The following GPATCH1 variants were observed in gnomAD, a reference collection of about 807,000 sequenced individuals.
The protein encoded by GPATCH1 is G-patch domain containing 1, also known as G patch domain-containing protein 1.
Under a neutral mutation model 114.9 loss-of-function variants are expected in GPATCH1, and 73 were observed. The observed-to-expected ratio is 0.64, with a 90% CI of 0.53 to 0.77. GPATCH1 has a LOEUF of 0.77. Among genes scored for constraint, GPATCH1 ranks in the 30% least tolerant of loss-of-function variants. The probability of loss-of-function intolerance (pLI) is 0.00; values close to 1 mark genes in which losing one functional copy is unlikely to be tolerated. For missense variants in GPATCH1, 1,058 were observed against 1,144.3 expected (o/e 0.92, Z 1.09); for synonymous variants, 391 against 428.4 (o/e 0.91, Z 1.08).
chr19:33,087,722 C>T (rs577666503), intron 1 of GPATCH1, among the ~76,000 whole-genome samples: 1 of 148,572 alleles, frequency 6.7e-6, no homozygotes, highest in East Asian at 2.0e-4. Context: ...CTCGCTGTGT[C>T]TCCCATGCTG....
intron 3 of GPATCH1, among the ~76,000 whole-genome samples, chr19:33,092,747 C>T (rs778070920): frequency 4.7e-4 from 72 of 152,236 alleles, no homozygotes; most frequent in Non-Finnish European, 7.9e-4. Flanking sequence ...GTCTCTTTCA[C>T]GCTGACCTTT....
intron 9 of GPATCH1, among the ~76,000 whole-genome samples, chr19:33,103,244 G>A (rs1972746873): frequency 6.6e-6 from 1 of 152,174 alleles, no homozygotes; most frequent in Non-Finnish European, 1.5e-5. Flanking sequence ...CTGGGACACG[G>A]GAGGCCAGGG....
chr19:33,106,854 A>G lies in GPATCH1; in HGVS notation c.1240A>G (p.Asn414Asp), dbSNP rs1350857385. 1.2e-6 allele frequency: 2 copies of G among 1,613,904 alleles called. No homozygotes were observed. The highest frequency in any genetic ancestry group is 1.7e-5 in the Admixed American group (1 of 59,972). Residue 414 changes from asparagine to aspartate, a missense_variant, in exon 10 of 20, where the codon AAT (asparagine) becomes GAT (aspartate). Transcript: ENST00000170564. ...AGGGACACACAGTAAGCACCAACTG[A>G]ATGCCTCCAAACGGGCTGAGTTGCT... The part of the protein sequence containing the change: ...DPGTHSKHQL[N>D]ASKRAELLGE...
At position 33,090,796 on chromosome 19, in the gene GPATCH1, C is replaced by T; in HGVS notation, c.225C>T (p.Thr75=). The T allele has an allele frequency of 1.9e-6, 3 of 1,611,376 alleles. No individual in the cohort carries two copies. The highest frequency in any genetic ancestry group is 2.5e-6 in the Non-Finnish European group (3 of 1,177,754). The stretch of plus-strand genomic sequence containing the variant: ...TTTTTTCAGGATGGACACCCTCTAC[C>T]TTTGTGTCTTCACGACAGAACAGAG... ...VGSKEGWTPS[T]FVSSRQNRAD... The change falls in exon 3 of 20, where the codon ACC becomes ACT. Residue 75 remains threonine, a synonymous_variant. Transcript: ENST00000170564.
At chr19:33,099,765 A>ATT (rs35230371) in intron 8 of GPATCH1, among the ~76,000 whole-genome samples, 4 of 118,310 alleles carry the variant, frequency 3.4e-5, no homozygotes, top group South Asian at 2.8e-4. Context: ...CGCCCAGCTA[A>ATT]TTTTTTTTTT....
At chr19:33,118,062 C>T (rs763396792) in intron 16 of GPATCH1, 21 bp downstream of exon 16, 57 of 1,543,132 alleles carry the variant, frequency 3.7e-5, no homozygotes, top group Admixed American at 3.3e-4. Flanking sequence ...ATTTCAGACT[C>T]GGGGATCTAA....
chr19:33,094,363 T>C, intron 5 of GPATCH1, 94 bp downstream of exon 5: 2 of 709,920 alleles, frequency 2.8e-6, no homozygotes, highest in Non-Finnish European at 2.5e-6. Flanking sequence ...CAGGCTGGAG[T>C]GCAGTGGTGC....
rs1188684122 is a variant in GPATCH1 at position 33,084,667 on chromosome 19, CT to C, written c.73+3412del. On this transcript the variant is annotated intron_variant, in intron 1 of 19. Transcript: ENST00000170564. ...CTGACCTTGCCCTTTTTTTTTTTTTCTTTTTTTTTTTGAGATGGAGTCTTGC... is the reference window on the plus strand; with the variant it reads ...CTGACCTTGCCCTTTTTTTTTTTTTCTTTTTTTTTTGAGATGGAGTCTTGC... Among the ~76,000 whole-genome samples, 171 of 125,048 alleles carry C rather than the reference CT, an allele frequency of 1.4e-3. 1 individual carries two copies. Among genetic ancestry groups the C allele is most frequent in the Admixed American group, 4.9e-3 (61 of 12,376 alleles). The allele number at this position is 125,048 out of a possible 152,430, so 82.0% of individuals were successfully genotyped here. A position where few individuals can be genotyped will look rare whatever the true frequency, so the allele number is the denominator to read the frequency against.
intron 1 of GPATCH1, among the ~76,000 whole-genome samples, chr19:33,083,286 T>C (rs974277074): frequency 4.6e-5 from 7 of 151,236 alleles, no homozygotes; most frequent in African/African-American, 1.7e-4. Context: ...CCTTCTATGT[T>C]GCTCAGGCTG....
At chr19:33,116,614 C>G (rs1972918533) in intron 15 of GPATCH1, among the ~76,000 whole-genome samples, 1 of 152,190 alleles carries the variant, frequency 6.6e-6, no homozygotes, top group Non-Finnish European at 1.5e-5. Context: ...ACTGCAAGCT[C>G]CACCTCCCAG....
intron 1 of GPATCH1, among the ~76,000 whole-genome samples, chr19:33,084,467 C>T (rs767759168): frequency 5.9e-5 from 9 of 152,042 alleles, no homozygotes; most frequent in Non-Finnish European, 1.0e-4. Context: ...GGCCAATTTT[C>T]TCCTCCTTGA....
chr19:33,084,077 T>A (rs1972509702), intron 1 of GPATCH1, among the ~76,000 whole-genome samples: 1 of 152,222 alleles, frequency 6.6e-6, no homozygotes, highest in Non-Finnish European at 1.5e-5. Flanking sequence ...CCCAAAGTGC[T>A]GGGATTACAG....
At chr19:33,108,921 T>C (rs528204694) in intron 10 of GPATCH1, among the ~76,000 whole-genome samples, 1 of 152,286 alleles carries the variant, frequency 6.6e-6, no homozygotes, top group East Asian at 1.9e-4. Flanking sequence ...TTTTGCTGAC[T>C]ATAAAACAGG....
In GPATCH1 at chr19:33,093,493, C is replaced by G. The variant is rs534032920; in HGVS notation, c.429C>G (p.Leu143=). 1.9e-5 allele frequency: 30 copies of G among 1,613,806 alleles called. 1 individual carries two copies. The South Asian group carries it at 3.3e-4, about 18-fold the overall frequency. ...CTGCCCCTATTCCTGGAGCCACCCT[C>G]CTTGATGACCTCATAACGCCAGCAA... ...AATAPIPGAT[L]LDDLITPAKL... Residue 143 remains leucine, a synonymous_variant, in exon 4 of 20, where the codon CTC becomes CTG. Coordinates refer to ENST00000170564, the MANE Select transcript of GPATCH1 (RefSeq NM_018025.3).
At chr19:33,095,228 C>T (rs1972641856) in intron 5 of GPATCH1, among the ~76,000 whole-genome samples, 1 of 151,798 alleles carries the variant, frequency 6.6e-6, no homozygotes, top group Non-Finnish European at 1.5e-5. Context: ...ATAAATGTAC[C>T]CATGTACCTC....
chr19:33,082,551 G>A (rs1014669635), intron 1 of GPATCH1, among the ~76,000 whole-genome samples: 1 of 152,102 alleles, frequency 6.6e-6, no homozygotes, highest in African/African-American at 2.4e-5. Context: ...CTTACAAAAG[G>A]TTGAGAAAGG....
Position 33,129,310 on chromosome 19 carries a change from T to C in GPATCH1, c.2766-820T>C, listed in dbSNP as rs562362014. Among the ~76,000 whole-genome samples, 4 of 151,686 alleles carry C rather than the reference T, an allele frequency of 2.6e-5. No individual in the cohort carries two copies. The South Asian group carries it at 8.3e-4, about 32-fold the overall frequency. On this transcript the variant is annotated intron_variant, in intron 19 of 19. Coordinates refer to ENST00000170564, the MANE Select transcript of GPATCH1 (RefSeq NM_018025.3). ...CTTGGGGGCTGGGCATGGTGGCTCA[T>C]GCCTGTAATCCCAATACCTTGGGAG...
At chr19:33,094,593 C>T (rs1462650931) in intron 5 of GPATCH1, among the ~76,000 whole-genome samples, 2 of 152,144 alleles carry the variant, frequency 1.3e-5, no homozygotes, top group Non-Finnish European at 2.9e-5. Context: ...TGTGTGTCTT[C>T]TAAGGCTTTT....
At chr19:33,088,343 T>A in intron 2 of GPATCH1, 75 bp downstream of exon 2, 2 of 278,132 alleles carry the variant, frequency 7.2e-6, no homozygotes, top group African/African-American at 2.4e-5. Context: ...TCACCCTTGC[T>A]TTTTTTTTTT....
Sources: allele counts gnomAD v4.1 joint callset (sites outside exome capture counted in the v4.1 genomes callset), GRCh38; gene constraint gnomAD v4.1.1; transcripts MANE v1.5; gene names NCBI Gene and HGNC (gene_info 2026-07-23, HGNC 2026-07-21).